The following HSD17B2 variants were observed in gnomAD, a reference collection of about 807,000 sequenced individuals.
HSD17B2 encodes the protein hydroxysteroid 17-beta dehydrogenase 2.
HSD17B2 carries 32 observed loss-of-function variants against 26.9 expected under a neutral mutation model. The observed-to-expected ratio is 1.19, with a 90% CI of 0.90 to 1.60. The LOEUF (loss-of-function observed/expected upper bound fraction) is 1.60, where lower values mean the gene tolerates loss of function less well. HSD17B2 is among the 40% of genes most tolerant of loss of function. HSD17B2 has a pLI of 0.00. For missense variants in HSD17B2, 613 were observed against 468.6 expected, an observed-to-expected ratio of 1.31 and a Z score of -2.85; for synonymous variants, 246 against 186.7, an observed-to-expected ratio of 1.32 and a Z score of -2.59.
At chr16:82,085,121 A>C (rs994822056) in intron 3 of HSD17B2, among the ~76,000 whole-genome samples, 1 of 152,228 alleles carries the variant, frequency 6.6e-6, no homozygotes, top group Non-Finnish European at 1.5e-5. Flanking sequence ...AAGAGTTCAC[A>C]GTTTCAGCCT....
At chr16:82,046,136 G>A (rs1365553909) in intron 1 of HSD17B2, among the ~76,000 whole-genome samples, 1 of 152,242 alleles carries the variant, frequency 6.6e-6, no homozygotes, top group African/African-American at 2.4e-5. Flanking sequence ...CACAGCTCAT[G>A]TTTTCAGTAC....
chr16:82,089,713 G>T (rs1343434344), intron 3 of HSD17B2, among the ~76,000 whole-genome samples: 3 of 152,166 alleles, frequency 2.0e-5, no homozygotes, highest in African/African-American at 7.2e-5. Flanking sequence ...GGTGGCCCTA[G>T]GTGTGCCTTG....
chr16:82,071,052 G>T lies in HSD17B2; in HGVS notation c.589G>T (p.Val197Leu). Residue 197 changes from valine to leucine, a missense_variant, in exon 3 of 5, where the codon GTG (valine) becomes TTG (leucine). Coordinates refer to ENST00000199936, the MANE Select transcript of HSD17B2 (RefSeq NM_002153.3). Reference protein sequence around the residue: ...QCMAVNFFGTVEVTKTFLPLL... With the variant: ...QCMAVNFFGTLEVTKTFLPLL... ...CATGGCCGTGAACTTCTTTGGAACT[G>T]TGGAGGTCACAAAGACGTTTTTGCC... The T allele has an allele frequency of 6.2e-7, 1 of 1,614,150 alleles. No individual in the cohort carries two copies. Among genetic ancestry groups the T allele is most frequent in the Non-Finnish European group, 8.5e-7 (1 of 1,179,958 alleles).
At chr16:82,060,144 C>T (rs1170227821) in intron 1 of HSD17B2, among the ~76,000 whole-genome samples, 1 of 152,178 alleles carries the variant, frequency 6.6e-6, no homozygotes, top group Admixed American at 6.5e-5. Flanking sequence ...TTATGGGGAA[C>T]AGGCAATGTC....
At chr16:82,078,718 A>G (rs1213079666) in intron 3 of HSD17B2, among the ~76,000 whole-genome samples, 1 of 152,236 alleles carries the variant, frequency 6.6e-6, no homozygotes, top group African/African-American at 2.4e-5. Context: ...GTCATCTGCA[A>G]TAACATGGAT....
At chr16:82,070,576 G>T (rs8191168) in intron 2 of HSD17B2, among the ~76,000 whole-genome samples, 52 of 152,348 alleles carry the variant, frequency 3.4e-4, no homozygotes, top group African/African-American at 1.0e-3. Flanking sequence ...TCAGTGGTTT[G>T]TTGGTTCCCT....
chr16:82,047,867 C>A (rs1053563011), intron 1 of HSD17B2, among the ~76,000 whole-genome samples: 2 of 152,174 alleles, frequency 1.3e-5, no homozygotes, highest in African/African-American at 4.8e-5. Context: ...GTGTCCACAA[C>A]AGGCTCAAGG....
intron 2 of HSD17B2, among the ~76,000 whole-genome samples, chr16:82,069,761 C>T (rs912026751): frequency 7.2e-5 from 11 of 152,156 alleles, no homozygotes; most frequent in African/African-American, 2.7e-4. Context: ...ACTAACTTGG[C>T]AGACCCAATG....
intron 3 of HSD17B2, among the ~76,000 whole-genome samples, chr16:82,072,766 C>A (rs1914725989): frequency 6.6e-6 from 1 of 152,150 alleles, no homozygotes; most frequent in Admixed American, 6.5e-5. Context: ...GAAAAGCTTA[C>A]AGTACAAGGC....
intron 3 of HSD17B2, among the ~76,000 whole-genome samples, chr16:82,087,999 G>T (rs1046412734): frequency 2.6e-5 from 4 of 152,106 alleles, no homozygotes; most frequent in African/African-American, 9.7e-5. Context: ...TTCAACATAC[G>T]CTTTTGGAGG....
chr16:82,043,511 C>G (rs1184757622), intron 1 of HSD17B2, among the ~76,000 whole-genome samples: 1 of 142,832 alleles, frequency 7.0e-6, no homozygotes, highest in Non-Finnish European at 1.5e-5. Context: ...GGTGAAACCC[C>G]GCCTCTACTA....
chr16:82,047,592 C>T (rs1379343573), intron 1 of HSD17B2, among the ~76,000 whole-genome samples: 1 of 152,018 alleles, frequency 6.6e-6, no homozygotes, highest in East Asian at 1.9e-4. Context: ...TGAGAAGAGG[C>T]AAGAGGATGT....
chr16:82,038,335 C>CATTTT (rs1271580863), intron 1 of HSD17B2, among the ~76,000 whole-genome samples: 18 of 152,210 alleles, frequency 1.2e-4, no homozygotes, highest in African/African-American at 3.9e-4. Flanking sequence ...ATGTGTGATG[C>CATTTT]ATTTTATTTT....
In HSD17B2 at chr16:82,090,769, G is replaced by C. The variant is rs2873503; in HGVS notation, c.665-133G>C. ...AGAACATTGCTCACCTGGGCTCAGG[G>C]GGCCTTGCCTGCCTTTGTCTGCCCA... On this transcript the variant is annotated intron_variant, in intron 3 of 4. Coordinates refer to ENST00000199936, the MANE Select transcript of HSD17B2 (RefSeq NM_002153.3). 8.4e-4 allele frequency: 662 copies of C among 784,982 alleles called. 4 individuals are homozygous for C. The African/African-American group carries it at 9.8e-3, about 12-fold the overall frequency. The allele number at this position is 784,982 out of a possible 1,614,324, so 48.6% of individuals were successfully genotyped here. A position where few individuals can be genotyped will look rare whatever the true frequency, so the allele number is the denominator to read the frequency against.
At chr16:82,071,364 G>A (rs1026601723) in intron 3 of HSD17B2, 4 of 571,322 alleles carry the variant, frequency 7.0e-6, no homozygotes, top group African/African-American at 5.6e-5. Flanking sequence ...GGGGATTTAG[G>A]GTTCTTATAT....
chr16:82,042,625 A>ATTTG (rs938892034), intron 1 of HSD17B2, among the ~76,000 whole-genome samples: 56 of 151,860 alleles, frequency 3.7e-4, no homozygotes, highest in South Asian at 2.7e-3. Flanking sequence ...ATTTTATTTT[A>ATTTG]TTTATTATTT....
chr16:82,079,549 C>A (rs1277155779), intron 3 of HSD17B2, among the ~76,000 whole-genome samples: 1 of 152,148 alleles, frequency 6.6e-6, no homozygotes, highest in African/African-American at 2.4e-5. Flanking sequence ...CAAATGCAGT[C>A]ACGTTCCAAG....
intron 1 of HSD17B2, among the ~76,000 whole-genome samples, chr16:82,042,870 C>T (rs1007611934): frequency 6.6e-6 from 1 of 152,184 alleles, no homozygotes; most frequent in Non-Finnish European, 1.5e-5. Flanking sequence ...ATCCACCTGC[C>T]TCGGCCTCCC....
chr16:82,060,186 A>C (rs546176438), intron 1 of HSD17B2, among the ~76,000 whole-genome samples: 2 of 152,328 alleles, frequency 1.3e-5, no homozygotes, highest in African/African-American at 4.8e-5. Context: ...TGGATTGCCT[A>C]AGTCTTAAAC....
Sources: gnomAD v4.1 joint callset for allele counts (sites outside exome capture counted in the v4.1 genomes callset) on GRCh38, gnomAD v4.1.1 for gene constraint, MANE v1.5 for transcripts, NCBI Gene and HGNC (gene_info 2026-07-23, HGNC 2026-07-21) for gene names.